Variants in RAD50 observed in about 807,000 individuals in gnomAD.
RAD50 encodes DNA repair protein RAD50.
A neutral mutation model predicts 168.8 loss-of-function variants in RAD50; 132 were observed. The ratio of observed to expected loss-of-function variants is 0.78; its 90% confidence interval spans 0.68 to 0.90. The LOEUF is 0.90. Among genes scored for constraint, RAD50 ranks in the 40% least tolerant of loss-of-function variants. The probability of loss-of-function intolerance (pLI) is 0.00; values close to 1 mark genes in which losing one functional copy is unlikely to be tolerated. For missense variants in RAD50, 1,347 were observed against 1,534.4 expected, an observed-to-expected ratio of 0.88 and a Z score of 2.04; for synonymous variants, 525 against 497.4, an observed-to-expected ratio of 1.06 and a Z score of -0.74.
At position 132,645,784 on chromosome 5, in the gene RAD50, A is replaced by G. The variant is rs1450198525; in HGVS notation, c.*3420A>G. ...AAGGGGCAAGAGACCTGGAGTATTTATATAACAACTTGCCAGGGTTACTGA... is the reference window on the plus strand; with the variant it reads ...AAGGGGCAAGAGACCTGGAGTATTTGTATAACAACTTGCCAGGGTTACTGA... On this transcript the variant is annotated 3_prime_UTR_variant, in exon 25 of 25. Transcript: ENST00000378823. 1 of 152,208 alleles carries G rather than the reference A, an allele frequency of 6.6e-6. No homozygotes were observed. Among genetic ancestry groups the G allele is most frequent in the African/African-American group, 2.4e-5 (1 of 41,440 alleles). The allele number at this position is 152,208 out of a possible 1,614,324, so 9.4% of individuals were successfully genotyped here.
rs756313503 is a variant in RAD50 at position 132,608,603 on chromosome 5, T to A, written c.2719-12T>A. On this transcript the variant is annotated splice_polypyrimidine_tract_variant and intron_variant, in intron 16 of 24. Coordinates refer to ENST00000378823, the MANE Select transcript of RAD50 (RefSeq NM_005732.4). The stretch of plus-strand genomic sequence containing the variant: ...AATATTATATAATACTTTATCTTTT[T>A]TATATTTTTAGGATGCTAAAGAGCA... 10 of 1,541,516 alleles carry A rather than the reference T, an allele frequency of 6.5e-6. No homozygotes were observed. The highest frequency in any genetic ancestry group is 8.8e-6 in the Non-Finnish European group (10 of 1,137,450).
rs876660957 is a variant in RAD50 at position 132,588,685 on chromosome 5, A to C, written c.1052-2A>C. Reference sequence around the variant, plus strand: ...AAAATTATGAGATTTTTTTTTTAAAAGGTCGTCTACAGCTGCAAGCAGATC... The same window carrying C: ...AAAATTATGAGATTTTTTTTTTAAACGGTCGTCTACAGCTGCAAGCAGATC... On this transcript the variant is annotated splice_acceptor_variant, in intron 7 of 24. Coordinates refer to ENST00000378823, the MANE Select transcript of RAD50 (RefSeq NM_005732.4). LOFTEE classifies it high-confidence loss of function. 3.7e-6 allele frequency: 6 copies of C among 1,608,466 alleles called. No individual in the cohort carries two copies. The highest frequency in any genetic ancestry group is 5.1e-6 in the Non-Finnish European group (6 of 1,178,472).
At position 132,591,268 on chromosome 5, in the gene RAD50, C is replaced by T. The variant is rs1023524138; in HGVS notation, c.1497C>T (p.Thr499=). The T allele has an allele frequency of 6.2e-7, 1 of 1,613,162 alleles. No individual in the cohort carries two copies. The highest frequency in any genetic ancestry group is 8.5e-7 in the Non-Finnish European group (1 of 1,179,208). The part of the protein sequence containing the change: ...SKAEKNSNVE[T]LKMEVISLQN... ...CTGAGAAAAACAGCAATGTAGAAAC[C>T]TTAAAAATGGAAGTAATAAGTCTCC... Residue 499 remains threonine, a synonymous_variant, in exon 10 of 25, where the codon ACC becomes ACT. Coordinates refer to ENST00000378823, the MANE Select transcript of RAD50 (RefSeq NM_005732.4).
At chr5:132,567,582 A>T (rs1332311832) in intron 2 of RAD50, among the ~76,000 whole-genome samples, 1 of 152,196 alleles carries the variant, frequency 6.6e-6, no homozygotes, top group Non-Finnish European at 1.5e-5. Flanking sequence ...CTGCATAAGG[A>T]TCTTTTGAGT....
intron 5 of RAD50, 147 bp downstream of exon 5, chr5:132,580,213 A>C (rs1028300103): frequency 1.5e-6 from 1 of 662,580 alleles, no homozygotes; most frequent in Non-Finnish European, 2.6e-6. Flanking sequence ...AGAACACTTA[A>C]AATCTACTCT....
At chr5:132,613,594 C>CTTTTTT (rs869151568) in intron 19 of RAD50, among the ~76,000 whole-genome samples, 4 of 111,160 alleles carry the variant, frequency 3.6e-5, no homozygotes, top group African/African-American at 1.5e-4. Flanking sequence ...TCACAATAGT[C>CTTTTTT]TTTTTTTTTT....
chr5:132,620,554 A>G (rs1389754398), intron 21 of RAD50, among the ~76,000 whole-genome samples: 2 of 152,126 alleles, frequency 1.3e-5, no homozygotes, highest in African/African-American at 2.4e-5. Context: ...TGATTACTCA[A>G]TTGAGTTGGA....
chr5:132,575,856 G>A lies in RAD50; in HGVS notation c.293G>A (p.Arg98Lys). 3 of 1,607,028 alleles carry A rather than the reference G, an allele frequency of 1.9e-6. No homozygotes were observed. The highest frequency in any genetic ancestry group is 2.6e-6 in the Non-Finnish European group (3 of 1,173,556). ...AATGGAGAACTTATAGCTGTGCAAA[G>A]ATCTATGGTGTGTACTCAGAAAAGC... ...DVNGELIAVQ[R>K]SMVCTQKSKK... The change falls in exon 3 of 25, where the codon AGA becomes AAA. Residue 98 changes from arginine to lysine, a missense_variant. Transcript: ENST00000378823.
rs28903089 is a variant in RAD50, at chr5:132,580,005, C to A, written c.695C>A (p.Ala232Asp). The A allele has an allele frequency of 2.9e-5, 47 of 1,613,144 alleles. No homozygotes were observed. The highest frequency in any genetic ancestry group is 3.6e-5 in the Non-Finnish European group (42 of 1,179,384). The change falls in exon 5 of 25, where the codon GCC becomes GAC. Residue 232 changes from alanine to aspartate, a missense_variant. Physicochemically the swap from Ala to Asp is moderately radical, Grantham distance 126. This residue lies in a region of RAD50 where 703 missense variants were observed against 767.7 expected (regional missense o/e 0.92). Coordinates refer to ENST00000378823, the MANE Select transcript of RAD50 (RefSeq NM_005732.4). The part of the protein sequence containing the change: ...EIRDQITSKE[A>D]QLTSSKEIVK... The stretch of plus-strand genomic sequence containing the variant: ...CGTGATCAGATTACAAGTAAGGAAG[C>A]CCAGTTAACATCTTCAAAGGAAATT...
At chr5:132,559,819 A>G (rs10079653) in intron 2 of RAD50, among the ~76,000 whole-genome samples, 49,659 of 151,978 alleles carry the variant, frequency 0.33, 10,472 homozygotes, top group African/African-American at 0.61. Context: ...GTGTGTGCCA[A>G]TACTCCCAGA....
At chr5:132,601,208 G>A (rs1354310664) in intron 13 of RAD50, among the ~76,000 whole-genome samples, 1 of 152,040 alleles carries the variant, frequency 6.6e-6, no homozygotes, top group Non-Finnish European at 1.5e-5. Flanking sequence ...ATGTTGGCCA[G>A]GCTGGTCTTG....
Position 132,557,094 on chromosome 5 carries a change from T to C in RAD50, c.-231T>C. 3 of 683,564 alleles carry C rather than the reference T, an allele frequency of 4.4e-6. No individual in the cohort carries two copies. Among genetic ancestry groups the C allele is most frequent in the Non-Finnish European group, 7.2e-6 (3 of 417,834 alleles). 42.3% of individuals were successfully genotyped at this position (683,564 alleles called of 1,614,324 possible). A position where few individuals can be genotyped will look rare whatever the true frequency, so the allele number is the denominator to read the frequency against. On this transcript the variant is annotated 5_prime_UTR_variant, in exon 1 of 25. Transcript: ENST00000378823. ...CCCAGGCTGGTCCCCGCCTCCGCTCTCCCCACCGGCGGGGAAAGCAGCTGG... is the reference window on the plus strand; with the variant it reads ...CCCAGGCTGGTCCCCGCCTCCGCTCCCCCCACCGGCGGGGAAAGCAGCTGG...
At position 132,559,370 on chromosome 5, in the gene RAD50, A is replaced by C. The variant is rs752806052; in HGVS notation, c.213+3A>C. 3.7e-6 allele frequency: 6 copies of C among 1,606,872 alleles called. No individual in the cohort carries two copies. The highest frequency in any genetic ancestry group is 4.3e-6 in the Non-Finnish European group (5 of 1,176,242). ...ATACATTTGTACACGATCCCAAGGT[A>C]ATGGTGCTAGTACAATTTTGTATTT... On this transcript the variant is annotated splice_donor_region_variant and intron_variant, in intron 2 of 24. Transcript: ENST00000378823.
chr5:132,627,454 AAC>A (rs1395692512), intron 21 of RAD50, among the ~76,000 whole-genome samples: 1 of 152,234 alleles, frequency 6.6e-6, no homozygotes, highest in African/African-American at 2.4e-5. Context: ...AGTGAAAATG[AAC>A]AATGTGAGCA....
chr5:132,573,604 A>G lies in RAD50; in HGVS notation c.214-2173A>G, dbSNP rs144650708. ...TTTCAAAACCAATCATGCCTTCCCA[A>G]CAGTCCCCCAAAGTCTTATTTTAGC... is the stretch of plus-strand genomic sequence containing the variant. On this transcript the variant is annotated intron_variant, in intron 2 of 24. Transcript: ENST00000378823. Among the ~76,000 whole-genome samples the G allele has an allele frequency of 4.1e-3, 617 of 152,246 alleles. 1 individual carries two copies. Among genetic ancestry groups the G allele is most frequent in the African/African-American group, 0.014 (569 of 41,542 alleles).
rs966954328 is a variant in RAD50, at chr5:132,643,780, T to C, written c.*1416T>C. ...AAGATTAAGAGCAAATCAATTCTAG[T>C]CATATATTAAACATCCACAATAACC... is the stretch of plus-strand genomic sequence containing the variant. On this transcript the variant is annotated 3_prime_UTR_variant, in exon 25 of 25. Coordinates refer to ENST00000378823, the MANE Select transcript of RAD50 (RefSeq NM_005732.4). The C allele has an allele frequency of 4.3e-6, 1 of 230,412 alleles. No individual in the cohort carries two copies. The highest frequency in any genetic ancestry group is 8.6e-6 in the Non-Finnish European group (1 of 116,362). 14.3% of individuals were successfully genotyped at this position (230,412 alleles called of 1,614,324 possible).
chr5:132,634,671 A>G (rs1751540285), intron 21 of RAD50, among the ~76,000 whole-genome samples: 1 of 152,166 alleles, frequency 6.6e-6, no homozygotes, highest in African/African-American at 2.4e-5. Context: ...ATTTTAAATT[A>G]AATTTGATGC....
At chr5:132,557,598 G>A in intron 1 of RAD50, 145 bp downstream of exon 1, 1 of 1,207,040 alleles carries the variant, frequency 8.3e-7, no homozygotes, top group Non-Finnish European at 1.2e-6. Flanking sequence ...GGTGTGGCCT[G>A]CAGGCTACAG....
chr5:132,622,854 A>T (rs1039511351), intron 21 of RAD50, among the ~76,000 whole-genome samples: 1 of 152,122 alleles, frequency 6.6e-6, no homozygotes, highest in Non-Finnish European at 1.5e-5. Flanking sequence ...ATCTACACAG[A>T]AATTTTGGTT....
Sources: allele counts gnomAD v4.1 joint callset (sites outside exome capture counted in the v4.1 genomes callset), GRCh38; gene constraint gnomAD v4.1.1; regional missense constraint gnomAD v4.1.1; transcripts MANE v1.5; gene names NCBI Gene and HGNC (gene_info 2026-07-23, HGNC 2026-07-21).